SPMIP2: variants seen among roughly 807,000 people sequenced by gnomAD.
SPMIP2 encodes protein SPMIP2.
the SPMIP2 span, among the ~76,000 whole-genome samples, chr4:158,979,792 T>TTTTG: frequency 1.4e-5 from 1 of 68,974 alleles, no homozygotes; most frequent in African/African-American, 4.7e-5. Flanking sequence ...TGCAAGAGTT[T>TTTTG]TTTTTTTTTT....
At chr4:159,019,215 G>A in the SPMIP2 span, among the ~76,000 whole-genome samples, 6 of 143,168 alleles carry the variant, frequency 4.2e-5, no homozygotes, top group Non-Finnish European at 9.0e-5. Flanking sequence ...CAAGTGGATA[G>A]TCCTCCAACA....
At chr4:159,024,521 A>G in the SPMIP2 span, among the ~76,000 whole-genome samples, 2 of 152,146 alleles carry the variant, frequency 1.3e-5, no homozygotes, top group African/African-American at 4.8e-5. Context: ...CTCTTGCAAG[A>G]AAGGGAAGAA....
At chr4:159,023,243 G>C in the SPMIP2 span, among the ~76,000 whole-genome samples, 1 of 152,048 alleles carries the variant, frequency 6.6e-6, no homozygotes, top group Non-Finnish European at 1.5e-5. Context: ...ACCCATGTGA[G>C]TGAGCATCAT....
At chr4:158,941,645 G>C in the SPMIP2 span, among the ~76,000 whole-genome samples, 99,240 of 152,074 alleles carry the variant, frequency 0.65, 32,824 homozygotes, top group East Asian at 0.88. Context: ...GGTGACAGAG[G>C]AAGATCCTGT....
the SPMIP2 span, among the ~76,000 whole-genome samples, chr4:158,902,749 G>A: frequency 3.3e-5 from 5 of 152,304 alleles, no homozygotes; most frequent in Non-Finnish European, 5.9e-5. Context: ...AGTGGGCTCC[G>A]CCCAGTTTGA....
At chr4:158,899,371 A>G in the SPMIP2 span, among the ~76,000 whole-genome samples, 3 of 152,344 alleles carry the variant, frequency 2.0e-5, no homozygotes, top group South Asian at 6.2e-4. Context: ...GCCTCATAAA[A>G]TGAGTTAGGC....
chr4:158,964,151 T>A, the SPMIP2 span, among the ~76,000 whole-genome samples: 6,368 of 100,144 alleles, frequency 0.064, 550 homozygotes, highest in African/African-American at 0.17. Flanking sequence ...TGAGACTATC[T>A]CAAAACAAAA....
the SPMIP2 span, among the ~76,000 whole-genome samples, chr4:158,916,549 C>T: frequency 6.6e-6 from 1 of 152,174 alleles, no homozygotes; most frequent in Non-Finnish European, 1.5e-5. Flanking sequence ...GTCTGAGCTC[C>T]TCAGCATAGC....
At chr4:158,979,737 T>C in the SPMIP2 span, among the ~76,000 whole-genome samples, 2 of 150,402 alleles carry the variant, frequency 1.3e-5, no homozygotes, top group African/African-American at 4.9e-5. Context: ...GCCCTGTGTT[T>C]CAAGCACAAA....
the SPMIP2 span, among the ~76,000 whole-genome samples, chr4:158,976,319 C>A: frequency 2.0e-5 from 3 of 152,134 alleles, no homozygotes; most frequent in Non-Finnish European, 2.9e-5. Context: ...ACTTCCAATA[C>A]TATGTTGAAC....
the SPMIP2 span, among the ~76,000 whole-genome samples, chr4:159,051,303 T>C: frequency 2.0e-5 from 3 of 152,184 alleles, no homozygotes; most frequent in Non-Finnish European, 4.4e-5. Context: ...GCTTTTTTAT[T>C]GCTTGAAACT....
At chr4:159,062,534 C>A in the SPMIP2 span, among the ~76,000 whole-genome samples, 1 of 152,180 alleles carries the variant, frequency 6.6e-6, no homozygotes, top group Non-Finnish European at 1.5e-5. Context: ...ATTCCATTCA[C>A]TCTTTCTTTT....
the SPMIP2 span, among the ~76,000 whole-genome samples, chr4:158,900,798 CTG>C: frequency 6.6e-6 from 1 of 152,088 alleles, no homozygotes; most frequent in African/African-American, 2.4e-5. Flanking sequence ...GTTTGCCAGT[CTG>C]TGTCTTTTAA....
the SPMIP2 span, among the ~76,000 whole-genome samples, chr4:158,899,379 G>A: frequency 6.6e-6 from 1 of 152,210 alleles, no homozygotes; most frequent in Admixed American, 6.5e-5. Context: ...AAATGAGTTA[G>A]GCAGAAGTCC....
chr4:159,025,998 C>T, the SPMIP2 span: 1 of 160,694 alleles, frequency 6.2e-6, no homozygotes, highest in African/African-American at 2.4e-5. Context: ...CATCCTGTTT[C>T]AACAACAGAA....
chr4:159,071,081 A>G, the SPMIP2 span, among the ~76,000 whole-genome samples: 5 of 152,188 alleles, frequency 3.3e-5, no homozygotes, highest in African/African-American at 1.2e-4. Context: ...TGATCAAAGC[A>G]TGGTCTGATA....
the SPMIP2 span, among the ~76,000 whole-genome samples, chr4:158,992,702 C>G: frequency 1.3e-5 from 2 of 152,206 alleles, no homozygotes; most frequent in Non-Finnish European, 2.9e-5. Context: ...CTCTCTGCTT[C>G]TAAGATGGTG....
chr4:159,025,321 C>T, the SPMIP2 span, among the ~76,000 whole-genome samples: 19 of 152,160 alleles, frequency 1.2e-4, no homozygotes, highest in Admixed American at 1.2e-3. Context: ...TGAACCACCA[C>T]ACCTGGCTAA....
the SPMIP2 span, among the ~76,000 whole-genome samples, chr4:158,921,686 T>C: frequency 6.6e-6 from 1 of 152,140 alleles, no homozygotes; most frequent in East Asian, 1.9e-4. Context: ...TATATCTTTA[T>C]AGCAGTGCGA....
Sources: gnomAD v4.1 joint callset for allele counts (sites outside exome capture counted in the v4.1 genomes callset) on GRCh38, gnomAD v4.1.1 for gene constraint, MANE v1.5 for transcripts, NCBI Gene and HGNC (gene_info 2026-07-23, HGNC 2026-07-21) for gene names.